Variants in PCDHA5 observed in about 807,000 individuals in gnomAD.
PCDHA5 encodes the protein protocadherin alpha 5.
A neutral mutation model predicts 61.6 loss-of-function variants in PCDHA5; 43 were observed. The ratio of observed to expected loss-of-function variants is 0.70; its 90% confidence interval spans 0.55 to 0.90. The LOEUF is 0.90. Among genes scored for constraint, PCDHA5 ranks in the 40% least tolerant of loss-of-function variants. PCDHA5 has a pLI of 0.00. For missense variants in PCDHA5, 1,298 were observed against 1,222.7 expected (o/e 1.06, Z -0.92); for synonymous variants, 627 against 543.9 (o/e 1.15, Z -2.13).
At chr5:140,996,503 G>A (rs1306027159) in intron 3 of PCDHA5, among the ~76,000 whole-genome samples, 1 of 152,120 alleles carries the variant, frequency 6.6e-6, no homozygotes, top group African/African-American at 2.4e-5. Context: ...TGGCTTCTTG[G>A]GGCCCAGCAT....
chr5:140,968,257 T>C (rs781932747), intron 1 of PCDHA5: 2 of 1,613,946 alleles, frequency 1.2e-6, no homozygotes, highest in East Asian at 2.2e-5. Context: ...CAGACCCAGA[T>C]GAAAAGGAGA....
At chr5:140,831,854 T>C (rs1358095738) in intron 1 of PCDHA5, among the ~76,000 whole-genome samples, 1 of 152,174 alleles carries the variant, frequency 6.6e-6, no homozygotes, top group Non-Finnish European at 1.5e-5. Context: ...GTCATAAAGC[T>C]TTAGTAAGTT....
chr5:140,889,241 T>C (rs987868473), intron 1 of PCDHA5, among the ~76,000 whole-genome samples: 120 of 151,950 alleles, frequency 7.9e-4, no homozygotes, highest in African/African-American at 2.7e-3. Context: ...TCCAGAAAAT[T>C]TTCTGTTTCC....
intron 1 of PCDHA5, among the ~76,000 whole-genome samples, chr5:140,960,355 A>G (rs1489344440): frequency 6.6e-6 from 1 of 152,222 alleles, no homozygotes; most frequent in Admixed American, 6.5e-5. Flanking sequence ...ATGTACTGAA[A>G]TAATATGCCA....
At chr5:140,982,353 C>G (rs2096979519) in intron 2 of PCDHA5, 122 bp from the exon 3 acceptor site, 1 of 1,509,284 alleles carries the variant, frequency 6.6e-7, no homozygotes, top group East Asian at 2.4e-5. Flanking sequence ...TCAGTTCAAG[C>G]ATGAGCAGAA....
intron 1 of PCDHA5, chr5:140,858,776 C>G (rs2045586511): frequency 2.4e-6 from 1 of 420,578 alleles, no homozygotes; most frequent in Admixed American, 4.3e-5. Context: ...GAGATTAGTA[C>G]TTCATGTTAT....
At chr5:140,975,022 G>A (rs2096650178) in intron 1 of PCDHA5, among the ~76,000 whole-genome samples, 2 of 152,188 alleles carry the variant, frequency 1.3e-5, no homozygotes, top group Admixed American at 1.3e-4. Context: ...GCTGGGCTGT[G>A]TTGTCCTTTG....
chr5:140,825,928 C>G (rs1768763008), intron 1 of PCDHA5: 2 of 151,504 alleles, frequency 1.3e-5, no homozygotes, highest in East Asian at 3.9e-4. Flanking sequence ...GGTGTCCTCT[C>G]CATCTGAAAT....
chr5:140,885,122 T>A (rs191806335), intron 1 of PCDHA5, among the ~76,000 whole-genome samples: 1 of 152,332 alleles, frequency 6.6e-6, no homozygotes, highest in African/African-American at 2.4e-5. Context: ...AGTGCACTTT[T>A]CTTTCTTTCT....
chr5:140,823,275 G>A lies in PCDHA5; in HGVS notation c.1500G>A (p.Glu500=), dbSNP rs2150124243. ...SYSLVERRVG[E]RPLSSYVSVH... The stretch of plus-strand genomic sequence containing the variant: ...CGCTGGTGGAGCGGCGGGTGGGCGA[G>A]CGCCCGCTGTCGAGTTACGTTTCGG... Residue 500 remains glutamate, a synonymous_variant, in exon 1 of 4, where the codon GAG becomes GAA. Coordinates refer to ENST00000529859, the MANE Select transcript of PCDHA5 (RefSeq NM_018908.3). 9.9e-6 allele frequency: 16 copies of A among 1,612,480 alleles called. No homozygotes were observed. The East Asian group carries it at 1.6e-4, about 16-fold the overall frequency.
intron 1 of PCDHA5, chr5:140,849,567 C>G: frequency 1.3e-6 from 2 of 1,598,580 alleles, no homozygotes; most frequent in Non-Finnish European, 1.7e-6. Flanking sequence ...GCTCTCGGTT[C>G]CTGTAAAAGA....
intron 3 of PCDHA5, among the ~76,000 whole-genome samples, chr5:140,993,075 G>A (rs531612224): frequency 1.3e-3 from 191 of 152,324 alleles, no homozygotes; most frequent in African/African-American, 4.5e-3. Flanking sequence ...CCTGCAGTCT[G>A]CAATCAGCAG....
At chr5:140,883,974 G>A (rs782820820) in intron 1 of PCDHA5, 6 of 1,612,844 alleles carry the variant, frequency 3.7e-6, no homozygotes, top group African/African-American at 2.7e-5. Flanking sequence ...CTGACGCCCG[G>A]GGCTGGCAGC....
chr5:140,994,358 G>A (rs2097616894), intron 3 of PCDHA5, among the ~76,000 whole-genome samples: 1 of 152,162 alleles, frequency 6.6e-6, no homozygotes, highest in Admixed American at 6.5e-5. Flanking sequence ...GACCTCAGAA[G>A]ATGGAATTGG....
Position 140,856,345 on chromosome 5 carries a change from G to C in PCDHA5, c.2352+32218G>C, listed in dbSNP as rs1347690443. The C allele has an allele frequency of 8.8e-6, 14 of 1,598,640 alleles. 1 individual carries two copies. The highest frequency in any genetic ancestry group is 1.2e-5 in the Non-Finnish European group (14 of 1,168,012). ...GCGAGGAGCTGTGCGGGCGGAGCGT[G>C]GAGTGCAGCATCCACCTGGAGGTGA... is the stretch of plus-strand genomic sequence containing the variant. On this transcript the variant is annotated intron_variant, in intron 1 of 3. Transcript: ENST00000529859.
intron 2 of PCDHA5, chr5:140,982,255 G>A (rs1226877967): frequency 1.6e-5 from 13 of 791,614 alleles, no homozygotes; most frequent in South Asian, 1.3e-4. Context: ...GATAGAACAT[G>A]TGTGTTCCTG....
chr5:140,883,242 A>C (rs1562785855), intron 1 of PCDHA5: 2 of 1,614,066 alleles, frequency 1.2e-6, no homozygotes, highest in Non-Finnish European at 1.7e-6. Context: ...GCAGTTGACA[A>C]AGGAAATATT....
chr5:140,892,733 C>G lies in PCDHA5; in HGVS notation c.2352+68606C>G, dbSNP rs183181952. Reference sequence around the variant, plus strand: ...CATATTCATAATCTCAAACATTTACCATTTTTGCATGGTGAACATTTAAAA... The same window carrying G: ...CATATTCATAATCTCAAACATTTACGATTTTTGCATGGTGAACATTTAAAA... On this transcript the variant is annotated intron_variant, in intron 1 of 3. Coordinates refer to ENST00000529859, the MANE Select transcript of PCDHA5 (RefSeq NM_018908.3). Among the ~76,000 whole-genome samples the G allele has an allele frequency of 8.1e-4, 123 of 152,172 alleles. No individual in the cohort carries two copies. In the Middle Eastern group the frequency reaches 0.02, roughly 25 times the overall value.
intron 1 of PCDHA5, among the ~76,000 whole-genome samples, chr5:140,941,810 A>T (rs188836583): frequency 6.6e-5 from 10 of 152,356 alleles, no homozygotes; most frequent in Admixed American, 4.6e-4. Flanking sequence ...TGATTTCAGT[A>T]GGATGACTGC....
Sources: gnomAD v4.1 joint callset for allele counts (sites outside exome capture counted in the v4.1 genomes callset) on GRCh38, gnomAD v4.1.1 for gene constraint, MANE v1.5 for transcripts, NCBI Gene and HGNC (gene_info 2026-07-23, HGNC 2026-07-21) for gene names.